DIAPH3: variants seen among roughly 807,000 people sequenced by gnomAD.
The protein encoded by DIAPH3 is protein diaphanous homolog 3.
DIAPH3 carries 117 observed loss-of-function variants against 144.3 expected under a neutral mutation model. The ratio of observed to expected loss-of-function variants is 0.81; its 90% CI spans 0.70 to 0.95. The LOEUF is 0.95. Among genes scored for constraint, DIAPH3 ranks in the 40% least tolerant of loss-of-function variants. The pLI is 0.00. For missense variants in DIAPH3, 1,421 were observed against 1,412.7 expected, an observed-to-expected ratio of 1.01 and a Z score of -0.09; for synonymous variants, 519 against 488.9, an observed-to-expected ratio of 1.06 and a Z score of -0.81.
In DIAPH3 at chr13:59,850,918, T is replaced by A. The variant is rs1417950760; in HGVS notation, c.2737+10489A>T. Among the ~76,000 whole-genome samples the A allele has an allele frequency of 1.1e-4, 16 of 147,476 alleles. 1 individual carries two copies. The highest frequency in any genetic ancestry group is 2.0e-4 in the African/African-American group (8 of 39,640). On this transcript the variant is annotated intron_variant, in intron 22 of 27. Coordinates refer to ENST00000400324, the MANE Select transcript of DIAPH3 (RefSeq NM_001042517.2). ...CAACCAAAAAGAGTCCAGGACCAGA[T>A]GGATTCACAGCCGAATTCTACCAGA...
intron 2 of DIAPH3, 27 bp downstream of exon 2, chr13:60,132,930 C>A (rs1476336193): frequency 6.3e-7 from 1 of 1,592,332 alleles, no homozygotes; most frequent in East Asian, 2.2e-5. Context: ...CAATTCATAA[C>A]AAAGGAAAAG....
chr13:59,840,484 T>C (rs900792060), intron 22 of DIAPH3, among the ~76,000 whole-genome samples: 2 of 152,048 alleles, frequency 1.3e-5, no homozygotes, highest in African/African-American at 2.4e-5. Context: ...TAATTTTAGC[T>C]TGGTTCAAAA....
intron 7 of DIAPH3, chr13:60,013,340 G>T: frequency 5.4e-6 from 2 of 367,522 alleles, no homozygotes; most frequent in Non-Finnish European, 7.5e-6. Context: ...GACGCACACA[G>T]CATGACTACT....
chr13:60,057,565 C>A (rs1392270618), intron 4 of DIAPH3, among the ~76,000 whole-genome samples: 1 of 151,816 alleles, frequency 6.6e-6, no homozygotes, highest in Admixed American at 6.6e-5. Flanking sequence ...TATATGGAAC[C>A]AAAAAAGAGC....
chr13:59,697,091 T>G (rs1593600913), intron 27 of DIAPH3, among the ~76,000 whole-genome samples: 1 of 151,816 alleles, frequency 6.6e-6, no homozygotes, highest in Admixed American at 6.6e-5. Context: ...GCCTGAAATA[T>G]TAGGAATAAT....
At chr13:60,104,714 T>C (rs2058360841) in intron 3 of DIAPH3, among the ~76,000 whole-genome samples, 1 of 152,190 alleles carries the variant, frequency 6.6e-6, no homozygotes, top group Non-Finnish European at 1.5e-5. Context: ...TATTCTGGAA[T>C]GTAACCTTGC....
chr13:60,070,279 TG>T (rs1443809515), intron 4 of DIAPH3, among the ~76,000 whole-genome samples: 2 of 66,948 alleles, frequency 3.0e-5, no homozygotes, highest in East Asian at 4.6e-4. Context: ...GCTTTTCTGT[TG>T]GATTTTTTTT....
At chr13:59,892,376 TATC>T (rs1307603409) in intron 20 of DIAPH3, among the ~76,000 whole-genome samples, 4 of 151,842 alleles carry the variant, frequency 2.6e-5, no homozygotes, top group African/African-American at 9.7e-5. Context: ...TCTTATAAAT[TATC>T]ATGAAACTGG....
chr13:60,066,902 G>A (rs116135426), intron 4 of DIAPH3, among the ~76,000 whole-genome samples: 1 of 152,202 alleles, frequency 6.6e-6, no homozygotes, highest in Admixed American at 6.5e-5. Context: ...GTATCAAAGT[G>A]ACACTGAATT....
At chr13:59,685,904 G>T (rs1032207466) in intron 27 of DIAPH3, among the ~76,000 whole-genome samples, 1 of 152,054 alleles carries the variant, frequency 6.6e-6, no homozygotes, top group Non-Finnish European at 1.5e-5. Flanking sequence ...CAATTATTTT[G>T]AAATTCCTGT....
intron 20 of DIAPH3, among the ~76,000 whole-genome samples, chr13:59,891,236 A>C (rs974692230): frequency 6.6e-6 from 1 of 152,050 alleles, no homozygotes; most frequent in Admixed American, 6.6e-5. Context: ...ATCACAAGAG[A>C]CCTTTTTGCT....
chr13:60,119,366 A>G (rs2058777106), intron 2 of DIAPH3, among the ~76,000 whole-genome samples: 1 of 152,122 alleles, frequency 6.6e-6, no homozygotes, highest in African/African-American at 2.4e-5. Flanking sequence ...TCCAGCCAAC[A>G]TTTTTACCGC....
chr13:59,908,971 TAA>T (rs978015497), intron 20 of DIAPH3, among the ~76,000 whole-genome samples: 1 of 152,172 alleles, frequency 6.6e-6, no homozygotes, highest in Admixed American at 6.5e-5. Context: ...ATTTTTCAGG[TAA>T]AGATGATTAG....
At chr13:59,926,792 T>C (rs2047773131) in intron 17 of DIAPH3, among the ~76,000 whole-genome samples, 3 of 152,308 alleles carry the variant, frequency 2.0e-5, no homozygotes, top group East Asian at 3.9e-4. Flanking sequence ...GAAGAGAAGA[T>C]GTGTGTTGTG....
At chr13:60,098,235 A>G (rs1417398731) in intron 3 of DIAPH3, among the ~76,000 whole-genome samples, 1 of 152,188 alleles carries the variant, frequency 6.6e-6, no homozygotes, top group Non-Finnish European at 1.5e-5. Flanking sequence ...TCAGGATAAG[A>G]AAGTAAAGGA....
At chr13:60,084,232 G>A (rs1486296083) in intron 4 of DIAPH3, among the ~76,000 whole-genome samples, 2 of 152,160 alleles carry the variant, frequency 1.3e-5, no homozygotes. Context: ...TTTCCAGGAT[G>A]ACTGGCAAGG....
intron 17 of DIAPH3, among the ~76,000 whole-genome samples, chr13:59,937,039 T>A (rs2048301277): frequency 6.6e-6 from 1 of 151,950 alleles, no homozygotes; most frequent in Admixed American, 6.6e-5. Context: ...GGCGGGTTCC[T>A]GTTGTCGCAG....
chr13:60,096,430 CAA>C (rs1174101801), intron 3 of DIAPH3, among the ~76,000 whole-genome samples: 1 of 152,108 alleles, frequency 6.6e-6, no homozygotes, highest in Non-Finnish European at 1.5e-5. Flanking sequence ...CCAGTTCATA[CAA>C]AAAAGTGGTT....
chr13:60,091,518 G>A (rs1336641139), intron 4 of DIAPH3, among the ~76,000 whole-genome samples: 4 of 151,836 alleles, frequency 2.6e-5, no homozygotes, highest in African/African-American at 9.7e-5. Context: ...GGCTGGTCTC[G>A]AACTCCTGGG....
Sources: allele counts gnomAD v4.1 joint callset (sites outside exome capture counted in the v4.1 genomes callset), GRCh38; gene constraint gnomAD v4.1.1; transcripts MANE v1.5; gene names NCBI Gene and HGNC (gene_info 2026-07-23, HGNC 2026-07-21).